Variants in EGF observed in about 807,000 individuals in gnomAD.
EGF encodes epidermal growth factor.
In EGF, 95 loss-of-function variants were observed where a neutral mutation model predicts 143.8. The observed-to-expected ratio is 0.66, with a 90% CI of 0.56 to 0.78. The LOEUF is 0.78. EGF is among the 30% of genes least tolerant of loss of function. The pLI, the probability that EGF is intolerant of heterozygous loss-of-function variation, is 0.00. For missense variants in EGF, 1,320 were observed against 1,470.9 expected (o/e 0.90, Z 1.68); for synonymous variants, 510 against 510.5 (o/e 1.00, Z 0.01).
chr4:110,011,346 C>A lies in EGF; in HGVS notation c.3515C>A (p.Thr1172Lys). The A allele has an allele frequency of 6.2e-7, 1 of 1,614,134 alleles. No individual in the cohort carries two copies. The highest frequency in any genetic ancestry group is 8.5e-7 in the Non-Finnish European group (1 of 1,180,022). Reference protein sequence around the residue: ...ERSFHMPSYGTQTLEGGVEKP... With the variant: ...ERSFHMPSYGKQTLEGGVEKP... ...AGCTTTCATATGCCCTCCTATGGGA[C>A]ACAGACCCTTGAAGGGGGTGTCGAG... Residue 1172 changes from threonine (T) to lysine (K), a missense_variant, in exon 24 of 24, where the codon ACA becomes AAA. Coordinates refer to ENST00000265171, the MANE Select transcript of EGF (RefSeq NM_001963.6).
Position 109,945,076 on chromosome 4 carries a change from T to C in EGF, c.741T>C (p.His247=), listed in dbSNP as rs1301325331. 6.2e-7 allele frequency: 1 copy of C among 1,614,182 alleles called. No homozygotes were observed. The highest frequency in any genetic ancestry group is 8.5e-7 in the Non-Finnish European group (1 of 1,180,028). Residue 247 remains histidine, a synonymous_variant, in exon 5 of 24, where the codon CAT becomes CAC. Transcript: ENST00000265171. ...TTCTTTTGTGGTTGCTTTTTAGGCA[T>C]AATTTGTTTGCAATGTCCCTTTTTG... ...SVHISKHPTQ[H]NLFAMSLFGD... is the part of the protein sequence containing the mutation.
chr4:109,913,248 A>G lies in EGF; in HGVS notation c.-88A>G. On this transcript the variant is annotated 5_prime_UTR_variant, in exon 1 of 24. Coordinates refer to ENST00000265171, the MANE Select transcript of EGF (RefSeq NM_001963.6). ...CTGAGGCCTCCGCTCAGGCAGCCGCATCTGGGGTCAATCATACTCACCTTG... is the reference window on the plus strand; with the variant it reads ...CTGAGGCCTCCGCTCAGGCAGCCGCGTCTGGGGTCAATCATACTCACCTTG... The G allele has an allele frequency of 6.4e-7, 1 of 1,567,646 alleles. No homozygotes were observed. The highest frequency in any genetic ancestry group is 8.7e-7 in the Non-Finnish European group (1 of 1,143,358).
At chr4:109,919,590 T>A (rs1206977628) in intron 1 of EGF, among the ~76,000 whole-genome samples, 5 of 147,436 alleles carry the variant, frequency 3.4e-5, no homozygotes, top group Admixed American at 3.3e-4. Flanking sequence ...TAAAGAGGAC[T>A]TCAGTAAAAG....
In EGF at chr4:109,976,125, C is replaced by A; in HGVS notation, c.1943C>A (p.Thr648Lys). 1 of 1,614,126 alleles carries A rather than the reference C, an allele frequency of 6.2e-7. No individual in the cohort carries two copies. Among genetic ancestry groups the A allele is most frequent in the East Asian group, 2.2e-5 (1 of 44,886 alleles). Residue 648 changes from threonine to lysine, a missense_variant, in exon 13 of 24, where the codon ACG becomes AAG. Around this residue, in one of 5 missense-constraint regions of EGF, gnomAD observed 1,186 missense variants for 1,313.7 expected, o/e 0.90. Coordinates refer to ENST00000265171, the MANE Select transcript of EGF (RefSeq NM_001963.6). ...SSDLIWPSGI[T>K]IDFLTDKLYW... ...GATCTAATCTGGCCCAGTGGAATAA[C>A]GATTGACTTCTTAACTGACAAGTTG... is the stretch of plus-strand genomic sequence containing the variant.
At position 110,011,361 on chromosome 4, in the gene EGF, G is replaced by C. The variant is rs140730971; in HGVS notation, c.3530G>C (p.Gly1177Ala). The C allele has an allele frequency of 1.7e-4, 272 of 1,614,104 alleles. No individual in the cohort carries two copies. The African/African-American group carries it at 2.5e-3, about 15-fold the overall frequency. The change falls in exon 24 of 24, where the codon GGG becomes GCG. Residue 1177 changes from glycine (G) to alanine (A), a missense_variant. By Grantham distance (60) the Gly-to-Ala change is moderately conservative (BLOSUM62 0). Around this residue, in one of 5 missense-constraint regions of EGF, gnomAD observed 1,186 missense variants for 1,313.7 expected, o/e 0.90. Transcript: ENST00000265171. Reference protein sequence around the residue: ...MPSYGTQTLEGGVEKPHSLLS... With the variant: ...MPSYGTQTLEAGVEKPHSLLS... ...TCCTATGGGACACAGACCCTTGAAGGGGGTGTCGAGAAGCCCCATTCTCTC... is the reference window on the plus strand; with the variant it reads ...TCCTATGGGACACAGACCCTTGAAGCGGGTGTCGAGAAGCCCCATTCTCTC...
chr4:109,994,821 G>A lies in EGF; in HGVS notation c.2946G>A (p.Gly982=), dbSNP rs773065641. Residue 982 remains glycine, a synonymous_variant, in exon 20 of 24, where the codon GGG becomes GGA. Transcript: ENST00000265171. ...SDSECPLSHD[G]YCLHDGVCMY... The stretch of plus-strand genomic sequence containing the variant: ...CTGAATGTCCCCTGTCCCACGATGG[G>A]TACTGCCTCCATGATGGTGTGTGCA... 6 of 1,614,034 alleles carry A rather than the reference G, an allele frequency of 3.7e-6. No homozygotes were observed. Among genetic ancestry groups the A allele is most frequent in the Admixed American group, 3.3e-5 (2 of 59,998 alleles).
At chr4:109,915,315 T>C (rs28729403) in intron 1 of EGF, among the ~76,000 whole-genome samples, 1 of 152,148 alleles carries the variant, frequency 6.6e-6, no homozygotes, top group Non-Finnish European at 1.5e-5. Flanking sequence ...GCTTTTAGGA[T>C]TTTTTTGTGG....
intron 21 of EGF, among the ~76,000 whole-genome samples, chr4:110,003,542 G>A (rs1182788907): frequency 6.6e-6 from 1 of 152,040 alleles, no homozygotes; most frequent in Admixed American, 6.6e-5. Flanking sequence ...TTCCTGGAAC[G>A]TCCAGGTAGG....
At position 109,943,888 on chromosome 4, in the gene EGF, G is replaced by T. The variant is rs28553469; in HGVS notation, c.556G>T (p.Asp186Tyr). The T allele has an allele frequency of 1.4e-5, 22 of 1,614,054 alleles. No homozygotes were observed. The highest frequency in any genetic ancestry group is 2.7e-5 in the African/African-American group (2 of 74,930). Reference sequence around the variant, plus strand: ...GGTGGCTGGAAGCCTTTATAGAGCAGATCTCGATGGTGTGGGAGTGAAGGC... The same window carrying T: ...GGTGGCTGGAAGCCTTTATAGAGCATATCTCGATGGTGTGGGAGTGAAGGC... ...SEVAGSLYRA[D>Y]LDGVGVKALL... The change falls in exon 4 of 24, where the codon GAT (aspartate) becomes TAT (tyrosine). Residue 186 changes from aspartate to tyrosine, a missense_variant. By Grantham distance (160) the Asp-to-Tyr change is radical. Coordinates refer to ENST00000265171, the MANE Select transcript of EGF (RefSeq NM_001963.6).
At position 110,012,867 on chromosome 4, in the gene EGF, A is replaced by C. The variant is rs2126209130; in HGVS notation, c.*1412A>C. On this transcript the variant is annotated 3_prime_UTR_variant, in exon 24 of 24. Coordinates refer to ENST00000265171, the MANE Select transcript of EGF (RefSeq NM_001963.6). The stretch of plus-strand genomic sequence containing the variant: ...AAATTTTGGGGGCTTTGAATCATTC[A>C]GTTTATGCATTAACTAGTCCCTTTG... Among the ~76,000 whole-genome samples, 1 of 152,324 alleles carries C rather than the reference A, an allele frequency of 6.6e-6. No individual in the cohort carries two copies. Among genetic ancestry groups the C allele is most frequent in the South Asian group, 2.1e-4 (1 of 4,826 alleles).
intron 10 of EGF, among the ~76,000 whole-genome samples, chr4:109,966,143 C>G (rs1021563024): frequency 6.6e-6 from 1 of 151,716 alleles, no homozygotes; most frequent in African/African-American, 2.4e-5. Context: ...TTTTAATTTA[C>G]CTATCACCTG....
intron 5 of EGF, among the ~76,000 whole-genome samples, chr4:109,951,445 A>C (rs143228410): frequency 1.3e-5 from 2 of 152,288 alleles, no homozygotes; most frequent in South Asian, 4.1e-4. Flanking sequence ...TAAGTTTTAA[A>C]GATACATAAT....
intron 1 of EGF, among the ~76,000 whole-genome samples, chr4:109,928,399 C>A (rs138503050): frequency 8.7e-4 from 132 of 152,250 alleles, no homozygotes; most frequent in African/African-American, 3.0e-3. Flanking sequence ...GACTTATCAT[C>A]TAAGGACCTG....
At chr4:109,926,049 C>T (rs1483635196) in intron 1 of EGF, among the ~76,000 whole-genome samples, 1 of 152,186 alleles carries the variant, frequency 6.6e-6, no homozygotes, top group Non-Finnish European at 1.5e-5. Context: ...ACATACTTCC[C>T]ACAAAGTATC....
At chr4:109,965,672 C>T (rs1430525525) in intron 10 of EGF, among the ~76,000 whole-genome samples, 1 of 152,034 alleles carries the variant, frequency 6.6e-6, no homozygotes, top group East Asian at 1.9e-4. Flanking sequence ...TATTTTCTTG[C>T]TACTCAAATT....
rs570941694 is a variant in EGF at position 110,007,292 on chromosome 4, T to C, written c.3292-860T>C. On this transcript the variant is annotated intron_variant, in intron 22 of 23. Transcript: ENST00000265171. ...TACTCCTCTTTCTGTTGTTTCTGAG[T>C]TGTGTGCTCCTTTCTGTGGAGCGCC... Among the ~76,000 whole-genome samples the C allele has an allele frequency of 2.6e-5, 4 of 152,208 alleles. No individual in the cohort carries two copies. In the South Asian group the frequency reaches 8.3e-4, roughly 32 times the overall value.
rs3796949 is a variant in EGF, at chr4:109,933,160, C to T, written c.128-7786C>T. ...AGATCCTGTGAGATGTCCAGAGAAG[C>T]GAAGCTGGTGGGGTCAGGACTGGAA... is the stretch of plus-strand genomic sequence containing the variant. On this transcript the variant is annotated intron_variant, in intron 1 of 23. Transcript: ENST00000265171. 0.013 allele frequency among the ~76,000 whole-genome samples: 1,986 copies of T among 152,274 alleles called. 208 individuals carry two copies. In the East Asian group the frequency reaches 0.23, roughly 18 times the overall value.
At chr4:109,919,287 GTCTCTCTCTCTCTCTCTCTCTCTC>G (rs58110007) in intron 1 of EGF, among the ~76,000 whole-genome samples, 12 of 75,910 alleles carry the variant, frequency 1.6e-4, no homozygotes, top group East Asian at 1.4e-3. Flanking sequence ...ATGCTTCTCT[GTCTCTCTCTCTCTCTCTCTCTCTC>G]TCTCTCTCTC....
At chr4:109,927,638 A>G (rs10025276) in intron 1 of EGF, among the ~76,000 whole-genome samples, 82,268 of 150,614 alleles carry the variant, frequency 0.55, 25,267 homozygotes, top group African/African-American at 0.83. Flanking sequence ...GCAGGAGAAT[A>G]GCGCGAACCC....
Sources: gnomAD v4.1 joint callset for allele counts (sites outside exome capture counted in the v4.1 genomes callset) on GRCh38, gnomAD v4.1.1 for gene constraint, gnomAD v4.1.1 regional missense constraint, MANE v1.5 for transcripts, NCBI Gene and HGNC (gene_info 2026-07-23, HGNC 2026-07-21) for gene names.